The following PRELID2 variants were observed in gnomAD, a reference collection of about 807,000 sequenced individuals.
PRELID2 encodes PRELI domain containing 2.
Under a neutral mutation model 28.4 loss-of-function variants are expected in PRELID2, and 25 were observed. That is an observed-to-expected ratio of 0.88 (90% CI 0.64 to 1.23). PRELID2 has a LOEUF of 1.23. Ranked by LOEUF, PRELID2 falls within the 50% of genes most tolerant of loss-of-function variation. The pLI is 0.00. For synonymous variants in PRELID2, 76 were observed against 71.6 expected (o/e 1.06, Z -0.31); for missense variants, 201 against 214.4 (o/e 0.94, Z 0.39).
At chr5:145,425,149 T>C in the PRELID2 span, among the ~76,000 whole-genome samples, 14 of 150,966 alleles carry the variant, frequency 9.3e-5, no homozygotes. Flanking sequence ...CCAAGAAACA[T>C]GAAAAAATGC....
At chr5:145,671,884 C>T (rs565528121) in intron 1 of PRELID2, among the ~76,000 whole-genome samples, 13 of 152,256 alleles carry the variant, frequency 8.5e-5, no homozygotes, top group African/African-American at 3.1e-4. Context: ...TGAGGACTAG[C>T]TTTGGAATGT....
chr5:145,329,859 G>GT, the PRELID2 span, among the ~76,000 whole-genome samples: 2 of 152,184 alleles, frequency 1.3e-5, no homozygotes, highest in Admixed American at 6.5e-5. Context: ...TCTTGTGCCA[G>GT]TTTTTAAAGG....
the PRELID2 span, among the ~76,000 whole-genome samples, chr5:145,299,644 C>CGTGTGTGTGTGTGTGTGT: frequency 9.1e-6 from 1 of 109,308 alleles, no homozygotes; most frequent in Non-Finnish European, 2.3e-5. Flanking sequence ...TATGTGTGTG[C>CGTGTGTGTGTGTGTGTGT]GTGTGTGTGT....
chr5:145,687,302 A>C (rs1755056363), intron 1 of PRELID2, among the ~76,000 whole-genome samples: 1 of 152,214 alleles, frequency 6.6e-6, no homozygotes. Context: ...TCCCAGTCTT[A>C]GCTCTGCCAT....
intron 5 of PRELID2, chr5:145,795,670 T>C (rs1752692303): frequency 6.6e-6 from 1 of 152,140 alleles, no homozygotes; most frequent in South Asian, 2.1e-4. Flanking sequence ...ATAATTATCA[T>C]CGTAATTAAT....
rs778757237 is a variant in PRELID2, at chr5:145,820,014, T to G, written c.138A>C (p.Glu46Asp). 6.3e-7 allele frequency: 1 copy of G among 1,582,578 alleles called. No homozygotes were observed. The highest frequency in any genetic ancestry group is 8.6e-7 in the Non-Finnish European group (1 of 1,164,082). Residue 46 changes from glutamate (E) to aspartate (D), a missense_variant, in exon 3 of 7, where the codon GAA (glutamate) becomes GAC (aspartate). By Grantham distance (45) the Glu-to-Asp change is conservative. Transcript: ENST00000683046. ...TCTTTCTGTAGATGACCCCTGTTGA[T>G]TCATCTAAAAAAGAAATTTTTTTAC... is the stretch of plus-strand genomic sequence containing the variant. ...SVKIMEEKRD[E>D]STGVIYRKRI...
intron 1 of PRELID2, among the ~76,000 whole-genome samples, chr5:145,558,402 CCTT>C (rs1234597337): frequency 6.6e-6 from 1 of 152,212 alleles, no homozygotes; most frequent in South Asian, 2.1e-4. Flanking sequence ...GCATGGATAA[CCTT>C]CTTATTAGCT....
chr5:145,766,831 C>G (rs1158921514), intron 5 of PRELID2, among the ~76,000 whole-genome samples: 1 of 152,110 alleles, frequency 6.6e-6, no homozygotes, highest in African/African-American at 2.4e-5. Flanking sequence ...TTAGTGCTTT[C>G]TATACCCAGT....
the PRELID2 span, among the ~76,000 whole-genome samples, chr5:145,451,383 G>A: frequency 3.9e-5 from 6 of 152,050 alleles, no homozygotes; most frequent in East Asian, 3.9e-4. Flanking sequence ...CATCCTTACC[G>A]GTCATCTTTG....
At chr5:145,794,658 G>A (rs115341438) in intron 5 of PRELID2, among the ~76,000 whole-genome samples, 6,743 of 152,150 alleles carry the variant, frequency 0.044, 465 homozygotes, top group African/African-American at 0.15. Flanking sequence ...CAGTTACCAC[G>A]TATCGGGTAT....
chr5:145,274,444 C>T, the PRELID2 span, among the ~76,000 whole-genome samples: 25 of 152,198 alleles, frequency 1.6e-4, no homozygotes, highest in African/African-American at 5.5e-4. Context: ...TTTATGGACC[C>T]CGCGGCAGCT....
chr5:145,582,132 C>T (rs908861137), intron 1 of PRELID2, among the ~76,000 whole-genome samples: 2 of 151,946 alleles, frequency 1.3e-5, no homozygotes, highest in Admixed American at 6.6e-5. Context: ...GGTCCAGATC[C>T]CCACTCTATC....
At chr5:145,294,021 G>A in the PRELID2 span, among the ~76,000 whole-genome samples, 1 of 152,066 alleles carries the variant, frequency 6.6e-6, no homozygotes, top group Non-Finnish European at 1.5e-5. Context: ...GAATCTTAGG[G>A]CCAGTATCAC....
intron 5 of PRELID2, among the ~76,000 whole-genome samples, chr5:145,774,733 T>A (rs1758311190): frequency 6.6e-6 from 1 of 152,134 alleles, no homozygotes; most frequent in Non-Finnish European, 1.5e-5. Context: ...GTAAACCAGG[T>A]TTCCTCAGGT....
chr5:145,733,252 A>ATCTTG (rs1211817793), intron 1 of PRELID2, among the ~76,000 whole-genome samples: 1 of 152,256 alleles, frequency 6.6e-6, no homozygotes, highest in African/African-American at 2.4e-5. Context: ...ACAGAGTGAG[A>ATCTTG]TCTTGTCTCA....
intron 1 of PRELID2, among the ~76,000 whole-genome samples, chr5:145,620,258 C>T (rs935952058): frequency 6.6e-6 from 1 of 152,040 alleles, no homozygotes; most frequent in Non-Finnish European, 1.5e-5. Context: ...AGTGAAACAC[C>T]AAAGCATAAC....
chr5:145,799,845 T>C (rs908239667), intron 4 of PRELID2, among the ~76,000 whole-genome samples: 2 of 152,204 alleles, frequency 1.3e-5, no homozygotes, highest in African/African-American at 4.8e-5. Context: ...AATAGTCACA[T>C]CTGCGCCACT....
the PRELID2 span, among the ~76,000 whole-genome samples, chr5:145,464,167 T>C: frequency 6.6e-6 from 1 of 152,106 alleles, no homozygotes; most frequent in African/African-American, 2.4e-5. Flanking sequence ...CATGCTGAAT[T>C]AAAGAGGTTC....
At position 145,597,269 on chromosome 5, in the gene PRELID2, C is replaced by T. The variant is rs541191213; in HGVS notation, n.71-123954G>A. On this transcript the variant is annotated intron_variant and non_coding_transcript_variant, in intron 1 of 2. Transcript: ENST00000510259. ...TGTAGTAACTGTACTATTTAGTGCC[C>T]GAATATTTTATTTTCCTTTACTATC... is the stretch of plus-strand genomic sequence containing the variant. 5.3e-5 allele frequency among the ~76,000 whole-genome samples: 8 copies of T among 152,024 alleles called. 1 individual carries two copies. Among genetic ancestry groups the T allele is most frequent in the African/African-American group, 1.9e-4 (8 of 41,482 alleles).
Sources: allele counts gnomAD v4.1 joint callset (sites outside exome capture counted in the v4.1 genomes callset), GRCh38; gene constraint gnomAD v4.1.1; transcripts MANE v1.5; gene names NCBI Gene and HGNC (gene_info 2026-07-23, HGNC 2026-07-21).